Variants in CCL28 observed in about 807,000 individuals in gnomAD.
CCL28 encodes C-C motif chemokine 28.
In CCL28, 4 loss-of-function variants were observed where a neutral mutation model predicts 7.1. That is an observed-to-expected ratio of 0.56 (90% CI 0.28 to 1.29). The LOEUF (loss-of-function observed/expected upper bound fraction) is 1.29, where lower values mean the gene tolerates loss of function less well. CCL28 is among the 50% of genes most tolerant of loss of function. CCL28 has a pLI of 0.11. For missense variants in CCL28, 151 were observed against 163.4 expected (o/e 0.92, Z 0.41); for synonymous variants, 55 against 57.8 (o/e 0.95, Z 0.22).
chr5:43,377,027 G>A (rs1739904650), downstream of CCL28: 1 of 152,166 alleles, frequency 6.6e-6, no homozygotes, highest in African/African-American at 2.4e-5. Flanking sequence ...ATGAGGAAGG[G>A]GTCAGCAAGC....
intron 1 of CCL28, among the ~76,000 whole-genome samples, chr5:43,393,742 A>C (rs1480614799): frequency 6.6e-6 from 1 of 152,074 alleles, no homozygotes; most frequent in Non-Finnish European, 1.5e-5. Context: ...CTCTACAAGG[A>C]TTAAGCCCAC....
chr5:43,363,169 G>C, the CCL28 span, among the ~76,000 whole-genome samples: 1 of 152,302 alleles, frequency 6.6e-6, no homozygotes, highest in Admixed American at 6.5e-5. Flanking sequence ...ATATGAGGTA[G>C]AGAGATTTGA....
At chr5:43,404,551 A>G (rs1275032098) in intron 1 of CCL28, among the ~76,000 whole-genome samples, 2 of 152,224 alleles carry the variant, frequency 1.3e-5, no homozygotes, top group African/African-American at 2.4e-5. Context: ...CCACTGCAAA[A>G]ACATGCCAAA....
chr5:43,399,466 G>C (rs1740943093), intron 1 of CCL28, among the ~76,000 whole-genome samples: 1 of 152,052 alleles, frequency 6.6e-6, no homozygotes, highest in African/African-American at 2.4e-5. Flanking sequence ...ACTGTCTTTT[G>C]ACTGTAAGCT....
At chr5:43,399,250 T>C (rs1194944925) in intron 1 of CCL28, among the ~76,000 whole-genome samples, 2 of 152,198 alleles carry the variant, frequency 1.3e-5, no homozygotes, top group East Asian at 3.9e-4. Flanking sequence ...TGTATTTTCC[T>C]TAACACTTTT....
At chr5:43,367,787 C>A in the CCL28 span, among the ~76,000 whole-genome samples, 75 of 152,256 alleles carry the variant, frequency 4.9e-4, no homozygotes, top group African/African-American at 1.7e-3. Flanking sequence ...TTGCTGGGAG[C>A]TGCAGGCCCT....
At chr5:43,362,267 A>T in the CCL28 span, among the ~76,000 whole-genome samples, 6 of 152,148 alleles carry the variant, frequency 3.9e-5, no homozygotes, top group East Asian at 1.2e-3. Context: ...ATGGGATTAC[A>T]TTCCTGATTT....
At chr5:43,397,828 A>G (rs958555018) in intron 1 of CCL28, among the ~76,000 whole-genome samples, 2 of 151,846 alleles carry the variant, frequency 1.3e-5, no homozygotes, top group Non-Finnish European at 2.9e-5. Context: ...ACATTGCTAC[A>G]CTAATCTTTT....
downstream of CCL28, among the ~76,000 whole-genome samples, chr5:43,373,128 G>A (rs550832347): frequency 7.9e-5 from 12 of 152,026 alleles, no homozygotes; most frequent in South Asian, 4.2e-4. Context: ...GTGTTTTGGC[G>A]AACATATTCA....
At chr5:43,363,955 A>G in the CCL28 span, among the ~76,000 whole-genome samples, 4 of 152,200 alleles carry the variant, frequency 2.6e-5, 1 homozygote, top group South Asian at 4.1e-4. Context: ...ATCATCCCCA[A>G]TTGACTCCCT....
At chr5:43,377,717 C>CTTTTTTTTTT, downstream of CCL28, among the ~76,000 whole-genome samples, 235 of 42,702 alleles carry the variant, frequency 5.5e-3, 75 homozygotes, top group African/African-American at 0.011. Flanking sequence ...AGAACTTAAA[C>CTTTTTTTTTT]TTTTTTTTTT....
chr5:43,366,292 C>T, the CCL28 span, among the ~76,000 whole-genome samples: 1 of 152,158 alleles, frequency 6.6e-6, no homozygotes, highest in Admixed American at 6.5e-5. Flanking sequence ...TTTTCCTCAT[C>T]TTCATGGATT....
intron 1 of CCL28, among the ~76,000 whole-genome samples, chr5:43,396,626 A>T (rs1740814253): frequency 6.6e-6 from 1 of 152,174 alleles, no homozygotes. Flanking sequence ...TAAAAGTACT[A>T]TTTATTATAA....
chr5:43,395,671 G>A lies in CCL28; in HGVS notation c.65-7195C>T, dbSNP rs138317069. 2.0e-3 allele frequency among the ~76,000 whole-genome samples: 306 copies of A among 152,140 alleles called. 1 individual carries two copies. The highest frequency in any genetic ancestry group is 3.2e-3 in the Non-Finnish European group (219 of 67,984). On this transcript the variant is annotated intron_variant, in intron 1 of 2. Coordinates refer to ENST00000361115, the MANE Select transcript of CCL28 (RefSeq NM_148672.3). The stretch of plus-strand genomic sequence containing the variant: ...CGCCAAGAGAGAGTTCTTGGATCTC[G>A]TGCAAGAAAGAATTTAGGGCCAGTC...
chr5:43,409,111 C>G (rs563893347), intron 1 of CCL28, among the ~76,000 whole-genome samples: 2 of 152,180 alleles, frequency 1.3e-5, no homozygotes, highest in Admixed American at 1.3e-4. Context: ...GACTCTATCT[C>G]TACAAGAAAA....
chr5:43,377,979 G>A (rs991096109), downstream of CCL28, among the ~76,000 whole-genome samples: 3 of 132,562 alleles, frequency 2.3e-5, no homozygotes, highest in Admixed American at 1.4e-4. Context: ...TGATCCGCCC[G>A]CCTCGGCCTC....
chr5:43,409,801 C>G (rs571277282), intron 1 of CCL28, among the ~76,000 whole-genome samples: 1 of 152,014 alleles, frequency 6.6e-6, no homozygotes, highest in South Asian at 2.1e-4. Flanking sequence ...CCACAAAGTC[C>G]TAGATTGTGG....
At chr5:43,366,879 C>T in the CCL28 span, among the ~76,000 whole-genome samples, 2 of 152,360 alleles carry the variant, frequency 1.3e-5, no homozygotes, top group African/African-American at 2.4e-5. Context: ...AGTCTGGCTA[C>T]AGCGGCTTTG....
intron 2 of CCL28, among the ~76,000 whole-genome samples, chr5:43,383,732 G>T (rs1740219508): frequency 6.6e-6 from 1 of 152,138 alleles, no homozygotes; most frequent in Non-Finnish European, 1.5e-5. Flanking sequence ...ACCCTTTCCA[G>T]AGGACTAAAA....
Sources: allele counts gnomAD v4.1 joint callset (sites outside exome capture counted in the v4.1 genomes callset), GRCh38; gene constraint gnomAD v4.1.1; transcripts MANE v1.5; gene names NCBI Gene and HGNC (gene_info 2026-07-23, HGNC 2026-07-21).